The following ATP9B variants were observed in gnomAD, a reference collection of about 807,000 sequenced individuals.
ATP9B encodes the protein ATPase phospholipid transporting 9B.
In ATP9B, 110 loss-of-function variants were observed where a neutral mutation model predicts 146.1. That is an observed-to-expected ratio of 0.75 (90% CI 0.65 to 0.88). The LOEUF is 0.88. ATP9B is among the 40% of genes least tolerant of loss of function. The pLI is 0.00. For missense variants in ATP9B, 1,499 were observed against 1,496.4 expected (o/e 1.00, Z -0.03); for synonymous variants, 604 against 569.7 (o/e 1.06, Z -0.86).
At chr18:79,349,266 G>A (rs897162944) in intron 25 of ATP9B, among the ~76,000 whole-genome samples, 1 of 152,180 alleles carries the variant, frequency 6.6e-6, no homozygotes, top group Non-Finnish European at 1.5e-5. Context: ...CCTTAACCAG[G>A]TTCCACTCCA....
chr18:79,217,357 TG>T (rs2095637299), intron 11 of ATP9B, among the ~76,000 whole-genome samples: 1 of 152,146 alleles, frequency 6.6e-6, no homozygotes, highest in South Asian at 2.1e-4. Flanking sequence ...GCTAATTTTT[TG>T]TATTTTTATT....
intron 11 of ATP9B, among the ~76,000 whole-genome samples, chr18:79,222,813 A>C (rs1297353999): frequency 6.6e-6 from 1 of 152,220 alleles, no homozygotes; most frequent in African/African-American, 2.4e-5. Context: ...TGAAAGTTCA[A>C]ATTACAAGGA....
At chr18:79,361,633 T>C in intron 26 of ATP9B, 1 of 290,632 alleles carries the variant, frequency 3.4e-6, no homozygotes, top group Non-Finnish European at 5.1e-6. Flanking sequence ...TCAAATTCTT[T>C]GAAAAGAAAA....
At chr18:79,225,230 A>G (rs1172971278) in intron 11 of ATP9B, among the ~76,000 whole-genome samples, 1 of 152,188 alleles carries the variant, frequency 6.6e-6, no homozygotes, top group Non-Finnish European at 1.5e-5. Context: ...TATTTTATTG[A>G]CATTAGAGTA....
chr18:79,218,632 T>C (rs2095650656), intron 11 of ATP9B, among the ~76,000 whole-genome samples: 1 of 152,226 alleles, frequency 6.6e-6, no homozygotes, highest in Admixed American at 6.5e-5. Flanking sequence ...CTTCTTGTCA[T>C]ATTTTCTTCG....
chr18:79,322,202 G>T (rs1358154472), intron 15 of ATP9B, among the ~76,000 whole-genome samples: 2 of 152,182 alleles, frequency 1.3e-5, no homozygotes, highest in African/African-American at 4.8e-5. Context: ...TTAGTAACAT[G>T]CAGGAAAGTC....
At chr18:79,110,189 G>A (rs569407654) in intron 2 of ATP9B, among the ~76,000 whole-genome samples, 166 bp from the exon 3 acceptor site, 80 of 152,296 alleles carry the variant, frequency 5.3e-4, no homozygotes, top group Non-Finnish European at 8.7e-4. Context: ...TTAAATTTGT[G>A]TAACCAACCT....
chr18:79,121,666 A>G (rs955824026), intron 4 of ATP9B, among the ~76,000 whole-genome samples: 1 of 152,176 alleles, frequency 6.6e-6, no homozygotes, highest in Non-Finnish European at 1.5e-5. Context: ...ATAGATACGC[A>G]GGGGATGGAC....
intron 15 of ATP9B, among the ~76,000 whole-genome samples, chr18:79,323,207 A>C (rs1388595160): frequency 6.6e-6 from 1 of 151,672 alleles, no homozygotes; most frequent in Non-Finnish European, 1.5e-5. Flanking sequence ...TCCTCCGTTT[A>C]TCGTTGCTTC....
intron 7 of ATP9B, among the ~76,000 whole-genome samples, chr18:79,167,688 G>T (rs575798819): frequency 6.6e-6 from 1 of 152,316 alleles, no homozygotes; most frequent in East Asian, 1.9e-4. Context: ...GGGCAGCCAT[G>T]GGCGGGCCTA....
chr18:79,293,980 C>T (rs1476374745), intron 13 of ATP9B, among the ~76,000 whole-genome samples: 1 of 152,040 alleles, frequency 6.6e-6, no homozygotes, highest in East Asian at 1.9e-4. Flanking sequence ...TCTCAGTTTT[C>T]TCCAAGCAGC....
intron 7 of ATP9B, among the ~76,000 whole-genome samples, chr18:79,158,634 A>T (rs2094831671): frequency 6.6e-6 from 1 of 152,180 alleles, no homozygotes; most frequent in Non-Finnish European, 1.5e-5. Context: ...CCTCATATTT[A>T]TACATTTTCT....
intron 2 of ATP9B, among the ~76,000 whole-genome samples, chr18:79,099,925 G>A (rs1172252528): frequency 6.6e-6 from 1 of 152,064 alleles, no homozygotes; most frequent in East Asian, 1.9e-4. Flanking sequence ...AAGAGATTGA[G>A]ACCATCCTGG....
chr18:79,103,362 C>T (rs1344555270), intron 2 of ATP9B, among the ~76,000 whole-genome samples: 1 of 151,362 alleles, frequency 6.6e-6, no homozygotes, highest in Admixed American at 6.6e-5. Flanking sequence ...TTTGTCAGAC[C>T]CAGAAACAGG....
chr18:79,162,958 G>T (rs1200828019), intron 7 of ATP9B, among the ~76,000 whole-genome samples: 2 of 152,156 alleles, frequency 1.3e-5, no homozygotes, highest in Non-Finnish European at 2.9e-5. Context: ...GATCTTAATT[G>T]TCATTAAGCC....
Position 79,376,216 on chromosome 18 carries a change from A to ACACACAC in ATP9B, c.3307+790_3307+791insCACACAC, listed in dbSNP as rs33978603. On this transcript the variant is annotated intron_variant, in intron 29 of 29. Coordinates refer to ENST00000426216, the MANE Select transcript of ATP9B (RefSeq NM_198531.5). ...ACACACACACACACACACACACACA[A>ACACACAC]AACAAAACAAAAAAATGGCTAGCCT... 723 of 768,786 alleles carry ACACACAC rather than the reference A, an allele frequency of 9.4e-4. 12 individuals carry two copies. The African/African-American group carries it at 0.019, about 20-fold the overall frequency. The allele number at this position is 768,786 out of a possible 1,614,324, so 47.6% of individuals were successfully genotyped here. A position where few individuals can be genotyped will look rare whatever the true frequency, so the allele number is the denominator to read the frequency against.
In ATP9B at chr18:79,208,722, TTACA is replaced by T. The variant is rs141649834; in HGVS notation, c.1030+1717_1030+1720del. On this transcript the variant is annotated intron_variant, in intron 10 of 29. Transcript: ENST00000426216. ...TATAAATTACATCTATATATAAATG[TTACA>T]TACATATAAATGTTATGTGTGTGTG... Among the ~76,000 whole-genome samples, 402 of 152,236 alleles carry T rather than the reference TTACA, an allele frequency of 2.6e-3. 8 individuals carry two copies. In the East Asian group the frequency reaches 0.055, roughly 21 times the overall value.
At chr18:79,182,187 A>G (rs926566690) in intron 8 of ATP9B, among the ~76,000 whole-genome samples, 1 of 152,116 alleles carries the variant, frequency 6.6e-6, no homozygotes, top group East Asian at 1.9e-4. Flanking sequence ...GCTGATGTCT[A>G]CTGAAATCCT....
intron 5 of ATP9B, among the ~76,000 whole-genome samples, chr18:79,134,783 A>G (rs926094478): frequency 6.6e-6 from 1 of 152,190 alleles, no homozygotes; most frequent in Non-Finnish European, 1.5e-5. Flanking sequence ...AAATGTTTTT[A>G]CCTTGACTTA....
Sources: allele counts gnomAD v4.1 joint callset (sites outside exome capture counted in the v4.1 genomes callset), GRCh38; gene constraint gnomAD v4.1.1; transcripts MANE v1.5; gene names NCBI Gene and HGNC (gene_info 2026-07-23, HGNC 2026-07-21).